The following CREB3L2 variants were observed in gnomAD, a reference collection of about 807,000 sequenced individuals.
CREB3L2 encodes the protein cyclic AMP-responsive element-binding protein 3-like protein 2.
In CREB3L2, 23 loss-of-function variants were observed where a neutral mutation model predicts 57.2. The observed-to-expected ratio is 0.40, with a 90% CI of 0.29 to 0.57. The LOEUF (loss-of-function observed/expected upper bound fraction) is 0.57, where lower values mean the gene tolerates loss of function less well. CREB3L2 is among the 20% of genes least tolerant of loss of function. CREB3L2 has a pLI of 0.42. For missense variants in CREB3L2, 628 were observed against 634.7 expected (o/e 0.99, Z 0.11); for synonymous variants, 268 against 265.1 (o/e 1.01, Z -0.11).
intron 1 of CREB3L2, among the ~76,000 whole-genome samples, chr7:137,952,463 G>A (rs987015147): frequency 2.0e-5 from 3 of 152,162 alleles, no homozygotes; most frequent in African/African-American, 7.2e-5. Flanking sequence ...CAGTGTCCAT[G>A]ACCCCTACGG....
At chr7:137,922,414 A>ATACT (rs1390842889) in intron 2 of CREB3L2, among the ~76,000 whole-genome samples, 1 of 29,948 alleles carries the variant, frequency 3.3e-5, no homozygotes, top group African/African-American at 9.7e-5. Flanking sequence ...ATATATATAT[A>ATACT]TGTATATATA....
intron 1 of CREB3L2, among the ~76,000 whole-genome samples, chr7:137,991,226 T>C (rs545259068): frequency 6.6e-6 from 1 of 151,984 alleles, no homozygotes; most frequent in Non-Finnish European, 1.5e-5. Flanking sequence ...TGCAGTGGCA[T>C]GATCTCGGCT....
chr7:137,924,682 T>C (rs1800412418), intron 2 of CREB3L2, among the ~76,000 whole-genome samples: 1 of 152,198 alleles, frequency 6.6e-6, no homozygotes, highest in Admixed American at 6.5e-5. Flanking sequence ...GTTGCCTTTT[T>C]TGTAGAACAG....
intron 1 of CREB3L2, among the ~76,000 whole-genome samples, chr7:137,951,853 G>A (rs1222736567): frequency 1.3e-5 from 2 of 152,112 alleles, no homozygotes; most frequent in African/African-American, 4.8e-5. Flanking sequence ...AGCTGGGCGT[G>A]GTGGTGCACA....
In CREB3L2 at chr7:137,905,300, C is replaced by T. The variant is rs187589225; in HGVS notation, c.915+402G>A. Among the ~76,000 whole-genome samples, 131 of 147,096 alleles carry T rather than the reference C, an allele frequency of 8.9e-4. 1 individual carries two copies. The highest frequency in any genetic ancestry group is 1.1e-3 in the South Asian group (5 of 4,712). On this transcript the variant is annotated intron_variant, in intron 6 of 11. Coordinates refer to ENST00000330387, the MANE Select transcript of CREB3L2 (RefSeq NM_194071.4). ...TATATATATATAATATATATATATGCTGTATTTTATATAGATACATAGAGT... is the reference window on the plus strand; with the variant it reads ...TATATATATATAATATATATATATGTTGTATTTTATATAGATACATAGAGT...
chr7:137,970,139 TCTC>T (rs1361678840), intron 1 of CREB3L2, among the ~76,000 whole-genome samples: 5 of 152,262 alleles, frequency 3.3e-5, no homozygotes, highest in African/African-American at 1.2e-4. Context: ...CAAGCCGCAG[TCTC>T]CTCATCTGTA....
intron 1 of CREB3L2, among the ~76,000 whole-genome samples, chr7:137,954,911 T>C (rs1277404942): frequency 6.6e-6 from 1 of 151,992 alleles, no homozygotes; most frequent in African/African-American, 2.4e-5. Context: ...TAAGCACAAG[T>C]GTAATTAGTC....
intron 1 of CREB3L2, among the ~76,000 whole-genome samples, chr7:137,994,788 A>T (rs937960077): frequency 4.6e-5 from 7 of 152,196 alleles, no homozygotes; most frequent in African/African-American, 1.7e-4. Context: ...CTATTTAAAA[A>T]CAAAAAACAA....
In CREB3L2 at chr7:137,884,979, C is replaced by A; in HGVS notation, c.1270+16G>T. 1.9e-6 allele frequency: 3 copies of A among 1,614,118 alleles called. No homozygotes were observed. On this transcript the variant is annotated intron_variant, in intron 10 of 11. Transcript: ENST00000330387. ...ATAAAACAAGACCCTGCCCAACTTG[C>A]CACATGCTGTCTTACCCACGGAGGC...
At chr7:137,900,429 C>T (rs975793977) in intron 8 of CREB3L2, among the ~76,000 whole-genome samples, 16 of 152,060 alleles carry the variant, frequency 1.1e-4, no homozygotes, top group African/African-American at 3.4e-4. Context: ...AACTTGGTAC[C>T]GTTACAATTT....
intron 2 of CREB3L2, among the ~76,000 whole-genome samples, chr7:137,925,879 T>A (rs1022103853): frequency 8.5e-5 from 13 of 152,210 alleles, no homozygotes; most frequent in Non-Finnish European, 2.9e-5. Context: ...AAAGCTGAAC[T>A]GTGGATCAGA....
In CREB3L2 at chr7:137,969,542, G is replaced by A. The variant is rs181241785; in HGVS notation, c.102+32062C>T. Among the ~76,000 whole-genome samples, 34 of 151,288 alleles carry A rather than the reference G, an allele frequency of 2.2e-4. 1 individual carries two copies. In the East Asian group the frequency reaches 6.2e-3, roughly 28 times the overall value. ...TTTTTTTGTATTTTTTAGTAGAGAC[G>A]GGATTTCACCATGTTAACCGGGATG... On this transcript the variant is annotated intron_variant, in intron 1 of 11. Coordinates refer to ENST00000330387, the MANE Select transcript of CREB3L2 (RefSeq NM_194071.4).
rs957971209 is a variant in CREB3L2 at position 137,908,399 on chromosome 7, C to T, written c.621G>A (p.Pro207=). ...CCTCTGAGTCACTGCCGTGACTGCT[C>T]GGAGGGGTGGGCGGCAAATGCAGGT... is the stretch of plus-strand genomic sequence containing the variant. ...VDHLHLPPTP[P]SSHGSDSEGS... Residue 207 remains proline (P), a synonymous_variant, in exon 5 of 12, where the codon CCG becomes CCA. Coordinates refer to ENST00000330387, the MANE Select transcript of CREB3L2 (RefSeq NM_194071.4). The T allele has an allele frequency of 5.1e-5, 65 of 1,264,914 alleles. No homozygotes were observed. The highest frequency in any genetic ancestry group is 7.0e-5 in the South Asian group (2 of 28,524). 78.4% of individuals were successfully genotyped at this position (1,264,914 alleles called of 1,614,324 possible).
At chr7:137,898,991 GGA>G (rs1799683906) in intron 8 of CREB3L2, among the ~76,000 whole-genome samples, 1 of 139,146 alleles carries the variant, frequency 7.2e-6, no homozygotes, top group African/African-American at 2.9e-5. Flanking sequence ...AAGGAAGGAG[GGA>G]GAAAGGAAGG....
intron 1 of CREB3L2, among the ~76,000 whole-genome samples, chr7:137,932,012 G>A (rs1197467774): frequency 1.3e-5 from 2 of 152,068 alleles, no homozygotes; most frequent in Non-Finnish European, 2.9e-5. Flanking sequence ...TTAACCATTA[G>A]CCAGACTTGG....
At chr7:137,976,895 G>A (rs1431991492) in intron 1 of CREB3L2, among the ~76,000 whole-genome samples, 2 of 152,200 alleles carry the variant, frequency 1.3e-5, no homozygotes, top group Non-Finnish European at 2.9e-5. Context: ...AACATCATAA[G>A]CTATATAGGC....
At chr7:137,916,744 GA>G (rs1800142940) in intron 2 of CREB3L2, among the ~76,000 whole-genome samples, 1 of 151,612 alleles carries the variant, frequency 6.6e-6, no homozygotes, top group Non-Finnish European at 1.5e-5. Flanking sequence ...AAAGGGAAGG[GA>G]GGGGGAGGGG....
intron 1 of CREB3L2, among the ~76,000 whole-genome samples, chr7:137,955,019 C>T (rs531752851): frequency 2.6e-5 from 4 of 152,246 alleles, no homozygotes; most frequent in Admixed American, 2.0e-4. Context: ...TCTAAAGTTC[C>T]CTGGACAGAG....
chr7:137,912,857 G>C (rs1800043845), intron 4 of CREB3L2, 134 bp downstream of exon 4: 1 of 1,538,578 alleles, frequency 6.5e-7, no homozygotes, highest in Non-Finnish European at 8.8e-7. Context: ...TATTTTTTAA[G>C]AACAGAGCTA....
Sources: gnomAD v4.1 joint callset for allele counts (sites outside exome capture counted in the v4.1 genomes callset) on GRCh38, gnomAD v4.1.1 for gene constraint, MANE v1.5 for transcripts, NCBI Gene and HGNC (gene_info 2026-07-23, HGNC 2026-07-21) for gene names.